UBA6: variants seen among roughly 807,000 people sequenced by gnomAD.
UBA6 encodes ubiquitin-like modifier-activating enzyme 6.
Under a neutral mutation model 148.3 loss-of-function variants are expected in UBA6, and 87 were observed. The observed-to-expected ratio is 0.59, with a 90% CI of 0.49 to 0.70. UBA6 has a LOEUF of 0.70. Among genes scored for constraint, UBA6 ranks in the 30% least tolerant of loss-of-function variants. The probability of loss-of-function intolerance (pLI) is 0.00; values close to 1 mark genes in which losing one functional copy is unlikely to be tolerated. For missense variants in UBA6, 1,186 were observed against 1,241.2 expected (o/e 0.96, Z 0.67); for synonymous variants, 376 against 401.0 (o/e 0.94, Z 0.75).
intron 19 of UBA6, among the ~76,000 whole-genome samples, chr4:67,637,101 AGCCC>A (rs1294305469): frequency 2.1e-5 from 3 of 144,754 alleles, no homozygotes; most frequent in Non-Finnish European, 4.5e-5. Flanking sequence ...AGAAGTGAGG[AGCCC>A]CTCCGCCCAG....
rs567783195 is a variant in UBA6, at chr4:67,688,050, T to C, written c.135-5837A>G. 2.4e-4 allele frequency among the ~76,000 whole-genome samples: 36 copies of C among 152,298 alleles called. No homozygotes were observed. In the South Asian group the frequency reaches 7.3e-3, roughly 31 times the overall value. On this transcript the variant is annotated intron_variant, in intron 2 of 32. Coordinates refer to ENST00000322244, the MANE Select transcript of UBA6 (RefSeq NM_018227.6). ...TATTCCGGAAGCTAGAGGAAAGCGTTTCCTCTAGGATTACACTGGAATAAA... is the reference window on the plus strand; with the variant it reads ...TATTCCGGAAGCTAGAGGAAAGCGTCTCCTCTAGGATTACACTGGAATAAA...
chr4:67,632,793 G>A (rs1366099574), intron 23 of UBA6, among the ~76,000 whole-genome samples: 3 of 152,086 alleles, frequency 2.0e-5, no homozygotes, highest in Non-Finnish European at 4.4e-5. Context: ...GGAGTTCCAG[G>A]CCAGACTGGA....
chr4:67,682,044 G>T, intron 3 of UBA6, 75 bp downstream of exon 3: 1 of 1,084,216 alleles, frequency 9.2e-7, no homozygotes, highest in East Asian at 2.4e-5. Context: ...GAAATATAAG[G>T]GGATGAAGTT....
chr4:67,663,986 A>G (rs770634692), intron 10 of UBA6, 39 bp from the exon 11 acceptor site: 39 of 1,531,098 alleles, frequency 2.5e-5, no homozygotes, highest in Non-Finnish European at 1.5e-5. Context: ...AGAGTGAGTG[A>G]GTGATTATTT....
chr4:67,656,354 T>G (rs894775567), intron 13 of UBA6, among the ~76,000 whole-genome samples: 2 of 152,208 alleles, frequency 1.3e-5, no homozygotes, highest in African/African-American at 4.8e-5. Flanking sequence ...GCTTCAGCCC[T>G]GGGATGCAAG....
intron 32 of UBA6, 60 bp downstream of exon 32, chr4:67,622,771 G>T: frequency 8.5e-7 from 1 of 1,170,884 alleles, no homozygotes; most frequent in Non-Finnish European, 1.3e-6. Context: ...TAATTTTTTA[G>T]TGTGCATCAA....
intron 7 of UBA6, among the ~76,000 whole-genome samples, chr4:67,672,451 G>T (rs1408472068): frequency 6.6e-6 from 1 of 152,152 alleles, no homozygotes; most frequent in African/African-American, 2.4e-5. Flanking sequence ...GGGTCTGAGG[G>T]ATTCTTAGTG....
intron 18 of UBA6, among the ~76,000 whole-genome samples, 168 bp from the exon 19 acceptor site, chr4:67,639,292 C>T (rs1729246422): frequency 6.6e-6 from 1 of 152,110 alleles, no homozygotes; most frequent in African/African-American, 2.4e-5. Flanking sequence ...AAATTACATT[C>T]ACTGTAATCA....
intron 11 of UBA6, 29 bp from the exon 12 acceptor site, chr4:67,663,244 A>G (rs947317551): frequency 6.6e-6 from 10 of 1,517,974 alleles, no homozygotes; most frequent in Non-Finnish European, 9.1e-6. Flanking sequence ...ATCGGCCAAC[A>G]TTTACTGAGT....
At position 67,654,500 on chromosome 4, in the gene UBA6, C is replaced by A. The variant is rs796170739; in HGVS notation, c.1105-5289G>T. ...ACAAGCAAATACTGAGAGATTTTGT[C>A]ACCACCAGACCTGCCTTACAAGAGC... On this transcript the variant is annotated intron_variant, in intron 13 of 32. Transcript: ENST00000322244. Among the ~76,000 whole-genome samples the A allele has an allele frequency of 2.0e-5, 3 of 152,140 alleles. No individual in the cohort carries two copies. The South Asian group carries it at 6.2e-4, about 32-fold the overall frequency.
intron 13 of UBA6, among the ~76,000 whole-genome samples, chr4:67,652,150 T>C (rs1729568113): frequency 6.6e-6 from 1 of 152,194 alleles, no homozygotes; most frequent in Non-Finnish European, 1.5e-5. Context: ...ATTCTTTTTG[T>C]GATTTGATAA....
chr4:67,631,681 T>G, intron 25 of UBA6, 27 bp downstream of exon 25: 1 of 1,506,578 alleles, frequency 6.6e-7, no homozygotes, highest in Non-Finnish European at 9.1e-7. Context: ...TAATGAAGGA[T>G]ACATAAAACT....
At chr4:67,698,682 G>A (rs1266299531) in intron 1 of UBA6, among the ~76,000 whole-genome samples, 1 of 152,182 alleles carries the variant, frequency 6.6e-6, no homozygotes, top group African/African-American at 2.4e-5. Flanking sequence ...TAAATGGGAT[G>A]GGCGCGGTGG....
At chr4:67,689,660 T>C (rs866607256) in intron 2 of UBA6, among the ~76,000 whole-genome samples, 54 of 152,112 alleles carry the variant, frequency 3.6e-4, no homozygotes, top group Non-Finnish European at 1.3e-4. Flanking sequence ...GGTTTTTGCT[T>C]AAGGATGGAA....
At chr4:67,632,877 G>C (rs1427101698) in intron 23 of UBA6, among the ~76,000 whole-genome samples, 1 of 151,990 alleles carries the variant, frequency 6.6e-6, no homozygotes, top group Non-Finnish European at 1.5e-5. Context: ...AGATCCTAAA[G>C]AGAGGGAAAG....
intron 6 of UBA6, among the ~76,000 whole-genome samples, chr4:67,676,796 T>C (rs369695004): frequency 2.1e-4 from 32 of 152,234 alleles, no homozygotes; most frequent in African/African-American, 6.0e-4. Flanking sequence ...AAAGTCTGTT[T>C]AGAAATTCTA....
chr4:67,676,618 G>A (rs1289339605), intron 6 of UBA6, among the ~76,000 whole-genome samples: 1 of 152,118 alleles, frequency 6.6e-6, no homozygotes, highest in Non-Finnish European at 1.5e-5. Flanking sequence ...TGAATCTTCT[G>A]TTTCTATGTG....
chr4:67,635,395 A>T, intron 20 of UBA6, 58 bp downstream of exon 20: 1 of 1,097,566 alleles, frequency 9.1e-7, no homozygotes, highest in Non-Finnish European at 1.4e-6. Context: ...ATTGTTGATT[A>T]AGACAAAAAT....
chr4:67,644,713 G>C lies in UBA6; in HGVS notation c.1461C>G (p.Ser487Arg). The change falls in exon 17 of 33, where the codon AGC becomes AGG. Residue 487 changes from serine (S) to arginine (R), a missense_variant. By Grantham distance (110) the Ser-to-Arg change is moderately radical. Transcript: ENST00000322244. ...KNFALLGVGT[S>R]KEKGMITVTD... ...GATATCTTACCATTCCTTTCTCTTT[G>C]CTTGTGCCAACACCAAGTAAAGCAA... 1 of 1,598,578 alleles carries C rather than the reference G, an allele frequency of 6.3e-7. No individual in the cohort carries two copies. The highest frequency in any genetic ancestry group is 8.6e-7 in the Non-Finnish European group (1 of 1,166,194).
Sources: allele counts gnomAD v4.1 joint callset (sites outside exome capture counted in the v4.1 genomes callset), GRCh38; gene constraint gnomAD v4.1.1; transcripts MANE v1.5; gene names NCBI Gene and HGNC (gene_info 2026-07-23, HGNC 2026-07-21).